Variants in RNF217 observed in about 807,000 individuals in gnomAD.
The protein encoded by RNF217 is ring finger protein 217, also known as E3 ubiquitin-protein ligase RNF217.
Under a neutral mutation model 57.8 loss-of-function variants are expected in RNF217, and 31 were observed. The ratio of observed to expected loss-of-function variants is 0.54; its 90% CI spans 0.40 to 0.72. The LOEUF (loss-of-function observed/expected upper bound fraction) is 0.72. Ranked by LOEUF, RNF217 falls within the 30% of genes least tolerant of loss-of-function variation. RNF217 has a pLI of 0.00. For missense variants in RNF217, 696 were observed against 708.3 expected, an observed-to-expected ratio of 0.98 and a Z score of 0.20; for synonymous variants, 313 against 294.0, an observed-to-expected ratio of 1.06 and a Z score of -0.66.
rs2114668186 is a variant in RNF217, at chr6:125,085,978, T to C, written c.*3041T>C. The C allele has an allele frequency of 6.6e-6, 1 of 152,116 alleles. No homozygotes were observed. The highest frequency in any genetic ancestry group is 2.4e-5 in the African/African-American group (1 of 41,562). 9.4% of individuals were successfully genotyped at this position (152,116 alleles called of 1,614,324 possible). A position where few individuals can be genotyped will look rare whatever the true frequency, so the allele number is the denominator to read the frequency against. On this transcript the variant is annotated 3_prime_UTR_variant, in exon 6 of 6. Coordinates refer to ENST00000521654, the MANE Select transcript of RNF217 (RefSeq NM_001286398.3). ...ATTGTAGGAGTATACTTTAACTTAT[T>C]GAATTAGTCCCCTGTTGAATGGACT... is the stretch of plus-strand genomic sequence containing the variant.
At chr6:124,992,903 T>A (rs9482581) in intron 1 of RNF217, among the ~76,000 whole-genome samples, 37,154 of 151,992 alleles carry the variant, frequency 0.24, 5,104 homozygotes, top group African/African-American at 0.36. Context: ...ACGATTTATG[T>A]CTTTGATGAT....
chr6:125,083,082 C>T lies in RNF217; in HGVS notation c.*145C>T, dbSNP rs868332625. ...AGTGATTCTCCGTGGGCCACAATGC[C>T]TCTAGCTATGGTGCACTCCCAACAT... is the stretch of plus-strand genomic sequence containing the variant. On this transcript the variant is annotated 3_prime_UTR_variant, in exon 6 of 6. Transcript: ENST00000521654. 1 of 566,652 alleles carries T rather than the reference C, an allele frequency of 1.8e-6. No individual in the cohort carries two copies. Among genetic ancestry groups the T allele is most frequent in the South Asian group, 2.6e-5 (1 of 38,566 alleles). 35.1% of individuals were successfully genotyped at this position (566,652 alleles called of 1,614,324 possible).
At chr6:125,071,152 A>G (rs1292265886) in intron 3 of RNF217, among the ~76,000 whole-genome samples, 1 of 152,190 alleles carries the variant, frequency 6.6e-6, no homozygotes, top group Non-Finnish European at 1.5e-5. Flanking sequence ...CTTCATGCAG[A>G]TGGTTCCCAA....
intron 2 of RNF217, among the ~76,000 whole-genome samples, chr6:125,056,621 A>G (rs1787533074): frequency 6.6e-6 from 1 of 152,178 alleles, no homozygotes; most frequent in Admixed American, 6.6e-5. Flanking sequence ...TAGAACCTCC[A>G]TTGTCAAAAA....
intron 1 of RNF217, among the ~76,000 whole-genome samples, chr6:125,023,007 A>G (rs1785905417): frequency 6.6e-6 from 1 of 152,184 alleles, no homozygotes; most frequent in African/African-American, 2.4e-5. Flanking sequence ...TAAACAAGGC[A>G]CAGTTTCTGC....
chr6:124,974,838 C>T (rs1458558006), intron 1 of RNF217, among the ~76,000 whole-genome samples: 2 of 152,218 alleles, frequency 1.3e-5, no homozygotes, highest in South Asian at 2.1e-4. Context: ...TCGTGTGATT[C>T]GTATCTTCTT....
At chr6:124,969,039 A>G (rs1783660891) in intron 1 of RNF217, among the ~76,000 whole-genome samples, 1 of 152,216 alleles carries the variant, frequency 6.6e-6, no homozygotes, top group Non-Finnish European at 1.5e-5. Flanking sequence ...GGCATAAATA[A>G]GCTTTTTTTT....
intron 1 of RNF217, among the ~76,000 whole-genome samples, chr6:125,000,188 GCCACATCGTA>G (rs1315171528): frequency 6.6e-6 from 1 of 151,730 alleles, no homozygotes; most frequent in Non-Finnish European, 1.5e-5. Flanking sequence ...ATAAAACCTT[GCCACATCGTA>G]CCATTATTTT....
chr6:125,027,528 G>A (rs1265767088), intron 1 of RNF217, among the ~76,000 whole-genome samples: 1 of 152,118 alleles, frequency 6.6e-6, no homozygotes, highest in Non-Finnish European at 1.5e-5. Flanking sequence ...TTGTGTATAT[G>A]TACCACATTT....
At chr6:125,008,784 T>A (rs1000453402) in intron 1 of RNF217, 1 of 151,884 alleles carries the variant, frequency 6.6e-6, no homozygotes, top group African/African-American at 2.4e-5. Context: ...TCTCTTTGTT[T>A]CAAGCTTAAT....
intron 1 of RNF217, chr6:125,009,432 C>T (rs962446672): frequency 1.2e-5 from 6 of 518,602 alleles, no homozygotes; most frequent in Non-Finnish European, 1.7e-5. Context: ...GATTTTCTTT[C>T]AGATGGTGCC....
chr6:125,017,594 T>G (rs538145291), intron 1 of RNF217, among the ~76,000 whole-genome samples: 1 of 152,332 alleles, frequency 6.6e-6, no homozygotes, highest in Admixed American at 6.5e-5. Context: ...GTGTTCACAT[T>G]TCTCTGCACT....
chr6:124,979,555 G>A (rs1051694526), intron 1 of RNF217, among the ~76,000 whole-genome samples: 6 of 152,188 alleles, frequency 3.9e-5, no homozygotes, highest in African/African-American at 4.8e-5. Context: ...CAAAGCCTGG[G>A]GTGGGCATAG....
intron 1 of RNF217, among the ~76,000 whole-genome samples, chr6:125,002,343 C>G (rs1034865484): frequency 6.6e-6 from 1 of 152,156 alleles, no homozygotes; most frequent in Admixed American, 6.5e-5. Context: ...TCCTCCTCGT[C>G]ACAAGCTTCA....
At chr6:125,048,192 G>T (rs189117854) in intron 2 of RNF217, 1 of 1,350,208 alleles carries the variant, frequency 7.4e-7, no homozygotes, top group Admixed American at 2.0e-5. Context: ...CCAACCAATC[G>T]TGAGATTCAT....
chr6:124,999,858 C>T (rs1784906827), intron 1 of RNF217, among the ~76,000 whole-genome samples: 1 of 152,098 alleles, frequency 6.6e-6, no homozygotes, highest in South Asian at 2.1e-4. Flanking sequence ...AGATAAACAG[C>T]TATTAAACTA....
chr6:125,075,949 T>C (rs1349094913), intron 3 of RNF217, among the ~76,000 whole-genome samples: 1 of 152,042 alleles, frequency 6.6e-6, no homozygotes, highest in African/African-American at 2.4e-5. Flanking sequence ...CACTGTATGG[T>C]ATATATGGTA....
rs115231673 is a variant in RNF217, at chr6:125,070,033, C to T, written c.1282-6624C>T. 4.0e-3 allele frequency among the ~76,000 whole-genome samples: 604 copies of T among 152,192 alleles called. 3 individuals carry two copies. The highest frequency in any genetic ancestry group is 0.014 in the African/African-American group (576 of 41,542). ...TTACCTCCTATTCCTAGTCCCCAAACTTCATGAGATCATCTTTATACCTTT... is the reference window on the plus strand; with the variant it reads ...TTACCTCCTATTCCTAGTCCCCAAATTTCATGAGATCATCTTTATACCTTT... On this transcript the variant is annotated intron_variant, in intron 3 of 5. Coordinates refer to ENST00000521654, the MANE Select transcript of RNF217 (RefSeq NM_001286398.3).
At chr6:125,001,231 A>G (rs1784969969) in intron 1 of RNF217, among the ~76,000 whole-genome samples, 2 of 152,156 alleles carry the variant, frequency 1.3e-5, no homozygotes, top group Admixed American at 1.3e-4. Flanking sequence ...TATTTATGTG[A>G]AATTCTATGT....
Sources: gnomAD v4.1 joint callset for allele counts (sites outside exome capture counted in the v4.1 genomes callset) on GRCh38, gnomAD v4.1.1 for gene constraint, MANE v1.5 for transcripts, NCBI Gene and HGNC (gene_info 2026-07-23, HGNC 2026-07-21) for gene names.